The following GSE1 variants were observed in gnomAD, a reference collection of about 807,000 sequenced individuals.
GSE1 encodes Gse1 coiled-coil protein.
GSE1 carries 32 observed loss-of-function variants against 112.6 expected under a neutral mutation model. That is an observed-to-expected ratio of 0.28 (90% CI 0.21 to 0.38). GSE1 has a LOEUF of 0.38. GSE1 is among the 10% of genes least tolerant of loss of function. The pLI, the probability that GSE1 is intolerant of heterozygous loss-of-function variation, is 1.00. For synonymous variants in GSE1, 1,115 were observed against 735.6 expected, an observed-to-expected ratio of 1.52 and a Z score of -8.35; for missense variants, 2,348 against 1,699.2, an observed-to-expected ratio of 1.38 and a Z score of -6.71.
intron 2 of GSE1, among the ~76,000 whole-genome samples, chr16:85,413,660 A>AC (rs981455478): frequency 4.0e-5 from 6 of 150,828 alleles, no homozygotes; most frequent in Non-Finnish European, 8.9e-5. Flanking sequence ...TATAAAACTG[A>AC]CCCCCAAACA....
In GSE1 at chr16:85,288,762, G is replaced by T. The variant is rs555252700; in HGVS notation, c.2284-68701G>T. On this transcript the variant is annotated intron_variant, in intron 1 of 2. Transcript: ENST00000637419. ...TGTGCTGGGTCATTGGAATCTGGGG[G>T]TGGGGGGCATTTCAGCCCCAGCAAA... Among the ~76,000 whole-genome samples, 680 of 152,306 alleles carry T rather than the reference G, an allele frequency of 4.5e-3. 5 individuals are homozygous for T. Among genetic ancestry groups the T allele is most frequent in the South Asian group, 7.5e-3 (36 of 4,830 alleles).
At chr16:85,493,668 G>A (rs892525394) in intron 2 of GSE1, among the ~76,000 whole-genome samples, 3 of 151,876 alleles carry the variant, frequency 2.0e-5, no homozygotes, top group Non-Finnish European at 2.9e-5. Context: ...CAGGAGAATC[G>A]CTTGAACCCG....
At chr16:85,355,225 GA>G (rs201798825) in intron 1 of GSE1, among the ~76,000 whole-genome samples, 9 of 147,268 alleles carry the variant, frequency 6.1e-5, no homozygotes, top group African/African-American at 2.3e-4. Flanking sequence ...ATCCCTAAAA[GA>G]AAAAAAAAAC....
chr16:85,348,072 C>T (rs1435166715), intron 1 of GSE1, among the ~76,000 whole-genome samples: 5 of 152,126 alleles, frequency 3.3e-5, no homozygotes, highest in Admixed American at 1.3e-4. Flanking sequence ...TGGTCCAGGA[C>T]GCATGGTCCA....
chr16:85,534,383 A>G (rs150865714), intron 2 of GSE1, among the ~76,000 whole-genome samples: 6,021 of 152,134 alleles, frequency 0.04, 409 homozygotes, highest in African/African-American at 0.14. Context: ...CGGCCTCCCA[A>G]AGTGCTGGGA....
chr16:85,497,985 G>A (rs192151853), intron 2 of GSE1, among the ~76,000 whole-genome samples: 33 of 152,138 alleles, frequency 2.2e-4, no homozygotes, highest in Non-Finnish European at 4.4e-4. Flanking sequence ...AGCGGGCGAC[G>A]AGGGACCCCA....
intron 2 of GSE1, among the ~76,000 whole-genome samples, chr16:85,544,945 G>A (rs1253165920): frequency 6.6e-6 from 1 of 152,260 alleles, no homozygotes; most frequent in Non-Finnish European, 1.5e-5. Context: ...CAGATGGTGT[G>A]TGAGCCACTG....
intron 2 of GSE1, among the ~76,000 whole-genome samples, chr16:85,477,480 A>G (rs1428156029): frequency 2.7e-5 from 4 of 148,310 alleles, no homozygotes; most frequent in African/African-American, 7.5e-5. Flanking sequence ...TCACCTCCTT[A>G]TTGTGAATGC....
intron 1 of GSE1, among the ~76,000 whole-genome samples, chr16:85,354,625 G>A (rs1164461124): frequency 6.6e-6 from 1 of 152,222 alleles, no homozygotes; most frequent in Admixed American, 6.5e-5. Flanking sequence ...AGGTGGACAG[G>A]GGTCGAGACT....
chr16:85,404,657 AG>A (rs1403540417), intron 2 of GSE1, among the ~76,000 whole-genome samples: 9 of 43,574 alleles, frequency 2.1e-4, no homozygotes, highest in Non-Finnish European at 2.8e-4. Flanking sequence ...TGTTACTCTC[AG>A]GGCCCCCTGG....
chr16:85,477,345 C>G (rs2050490258), intron 2 of GSE1, among the ~76,000 whole-genome samples: 2 of 152,116 alleles, frequency 1.3e-5, no homozygotes, highest in African/African-American at 4.8e-5. Context: ...GTTTAATGTA[C>G]ATCCTGAGTC....
At chr16:85,445,751 G>A (rs1334883643) in intron 2 of GSE1, among the ~76,000 whole-genome samples, 1 of 152,160 alleles carries the variant, frequency 6.6e-6, no homozygotes, top group Non-Finnish European at 1.5e-5. Context: ...GCTCCCCCCA[G>A]CCGCCCTGGT....
intron 1 of GSE1, among the ~76,000 whole-genome samples, chr16:85,196,428 A>T (rs769814567): frequency 6.6e-6 from 1 of 152,124 alleles, no homozygotes; most frequent in Admixed American, 6.5e-5. Context: ...ATTGGCGTCA[A>T]GTTCACGTGT....
chr16:85,312,907 A>G (rs1381156005), intron 1 of GSE1, among the ~76,000 whole-genome samples: 2 of 152,114 alleles, frequency 1.3e-5, no homozygotes, highest in Non-Finnish European at 2.9e-5. Context: ...GATTTCCTGA[A>G]TGGCCTCCTG....
intron 2 of GSE1, among the ~76,000 whole-genome samples, chr16:85,468,349 C>T (rs2050184817): frequency 7.3e-6 from 1 of 137,274 alleles, no homozygotes; most frequent in Non-Finnish European, 1.5e-5. Flanking sequence ...TGGGGTCTCA[C>T]TCTGTCACCC....
At chr16:85,572,973 G>A (rs756568056) in intron 1 of GSE1, among the ~76,000 whole-genome samples, 2 of 152,190 alleles carry the variant, frequency 1.3e-5, no homozygotes, top group Non-Finnish European at 2.9e-5. Flanking sequence ...GGGTTCAAGA[G>A]ATTCTCCTGT....
At chr16:85,642,609 TG>T (rs1445263290) in intron 2 of GSE1, among the ~76,000 whole-genome samples, 1 of 152,252 alleles carries the variant, frequency 6.6e-6, no homozygotes, top group Non-Finnish European at 1.5e-5. Context: ...CCTAGGGCTC[TG>T]GCCCTGCTAA....
At chr16:85,620,110 A>G (rs894239751) in intron 1 of GSE1, among the ~76,000 whole-genome samples, 1 of 152,144 alleles carries the variant, frequency 6.6e-6, no homozygotes, top group Non-Finnish European at 1.5e-5. Flanking sequence ...TCCTCTCTAC[A>G]AAAAATAAAA....
rs534793059 is a variant in GSE1, at chr16:85,331,832, G to A, written c.2284-25631G>A. Reference sequence around the variant, plus strand: ...CGAAGTGCTGGGATTACAGGCATGAGTCACCGCGCCCAGCTACTCCCTGTC... The same window carrying A: ...CGAAGTGCTGGGATTACAGGCATGAATCACCGCGCCCAGCTACTCCCTGTC... On this transcript the variant is annotated intron_variant, in intron 1 of 2. Transcript: ENST00000637419. Among the ~76,000 whole-genome samples, 27 of 151,506 alleles carry A rather than the reference G, an allele frequency of 1.8e-4. No individual in the cohort carries two copies. In the South Asian group the frequency reaches 5.4e-3, roughly 30 times the overall value.
Sources: allele counts gnomAD v4.1 joint callset (sites outside exome capture counted in the v4.1 genomes callset), GRCh38; gene constraint gnomAD v4.1.1; transcripts MANE v1.5; gene names NCBI Gene and HGNC (gene_info 2026-07-23, HGNC 2026-07-21).